Variants in PABPC4L observed in about 807,000 individuals in gnomAD.
PABPC4L encodes the protein polyadenylate-binding protein 4-like.
For missense variants in PABPC4L, 452 were observed against 451.4 expected, an observed-to-expected ratio of 1.00 and a Z score of -0.01; for synonymous variants, 169 against 164.1, an observed-to-expected ratio of 1.03 and a Z score of -0.23.
chr4:134,141,149 A>T, the PABPC4L span, among the ~76,000 whole-genome samples: 1 of 151,712 alleles, frequency 6.6e-6, no homozygotes, highest in African/African-American at 2.4e-5. Context: ...TTAGAATGAT[A>T]TGCTTTTCCT....
the PABPC4L span, among the ~76,000 whole-genome samples, chr4:134,097,325 C>G: frequency 6.6e-6 from 1 of 151,782 alleles, no homozygotes; most frequent in East Asian, 1.9e-4. Flanking sequence ...AACAGCTGAA[C>G]ATCAGACTTG....
the PABPC4L span, among the ~76,000 whole-genome samples, chr4:134,072,210 C>G: frequency 1.3e-5 from 2 of 152,208 alleles, no homozygotes; most frequent in East Asian, 3.9e-4. Context: ...TCCCATAATA[C>G]CACAGTGTTA....
At chr4:134,070,312 C>T in the PABPC4L span, among the ~76,000 whole-genome samples, 4 of 152,010 alleles carry the variant, frequency 2.6e-5, no homozygotes, top group South Asian at 6.2e-4. Context: ...CCAGCAGCAG[C>T]GGCAGTGTGG....
chr4:134,127,264 C>G, the PABPC4L span, among the ~76,000 whole-genome samples: 2 of 152,036 alleles, frequency 1.3e-5, no homozygotes, highest in African/African-American at 4.8e-5. Context: ...CCACCTGACC[C>G]TAGGGCAAGC....
downstream of PABPC4L, among the ~76,000 whole-genome samples, chr4:134,195,126 C>T (rs1205976625): frequency 6.6e-6 from 1 of 151,692 alleles, no homozygotes; most frequent in Non-Finnish European, 1.5e-5. Context: ...GCTTCTAATG[C>T]TTCCTATGGT....
At chr4:134,010,409 T>A in the PABPC4L span, among the ~76,000 whole-genome samples, 1 of 152,138 alleles carries the variant, frequency 6.6e-6, no homozygotes, top group Non-Finnish European at 1.5e-5. Flanking sequence ...TTGAACATTC[T>A]GACGTAACCA....
chr4:134,040,205 GA>G, the PABPC4L span, among the ~76,000 whole-genome samples: 33,742 of 113,282 alleles, frequency 0.3, 4,085 homozygotes, highest in Middle Eastern at 0.35. Context: ...CACAGAATTG[GA>G]AAAAAAAAAA....
the PABPC4L span, among the ~76,000 whole-genome samples, chr4:134,061,404 T>C: frequency 2.0e-5 from 3 of 151,922 alleles, no homozygotes; most frequent in Non-Finnish European, 2.9e-5. Context: ...CTCCAAGATA[T>C]ATCATACACC....
chr4:133,978,562 TG>T, the PABPC4L span, among the ~76,000 whole-genome samples: 1 of 151,970 alleles, frequency 6.6e-6, no homozygotes, highest in African/African-American at 2.4e-5. Context: ...GCTGTGTGTG[TG>T]TGTGTGTGTG....
At chr4:134,113,010 CAA>C in the PABPC4L span, among the ~76,000 whole-genome samples, 1 of 150,412 alleles carries the variant, frequency 6.6e-6, no homozygotes, top group Non-Finnish European at 1.5e-5. Flanking sequence ...TAGTTTTTAA[CAA>C]AAAAGTTTAA....
At chr4:134,127,755 C>G in the PABPC4L span, among the ~76,000 whole-genome samples, 10 of 152,122 alleles carry the variant, frequency 6.6e-5, no homozygotes, top group East Asian at 1.9e-3. Flanking sequence ...TTTAATACCC[C>G]CAAAAGATCA....
At chr4:134,083,865 G>C in the PABPC4L span, among the ~76,000 whole-genome samples, 1 of 151,828 alleles carries the variant, frequency 6.6e-6, no homozygotes, top group African/African-American at 2.4e-5. Flanking sequence ...ACAGGTATAT[G>C]TGATACATTA....
chr4:133,950,951 G>T, the PABPC4L span, among the ~76,000 whole-genome samples: 6 of 152,152 alleles, frequency 3.9e-5, no homozygotes, highest in Non-Finnish European at 7.3e-5. Flanking sequence ...CACTCCATGG[G>T]CATATTTGGG....
Position 134,200,346 on chromosome 4 carries a change from G to A in PABPC4L, c.674C>T (p.Ser225Phe). The change falls in exon 2 of 2, where the codon TCC (serine) becomes TTC (phenylalanine). Residue 225 changes from serine to phenylalanine, a missense_variant. Ser to Phe is a radical substitution (Grantham distance 155). Transcript: ENST00000421491. ...GCCAAAGCCTTTGGATTTCCCACTG[G>A]AATCTGTCATCACCTTAACACTCAG... Reference protein sequence around the residue: ...KTLSVKVMTDSSGKSKGFGFV... With the variant: ...KTLSVKVMTDFSGKSKGFGFV... The A allele has an allele frequency of 6.3e-7, 1 of 1,594,778 alleles. No individual in the cohort carries two copies. The highest frequency in any genetic ancestry group is 8.6e-7 in the Non-Finnish European group (1 of 1,169,388).
At chr4:133,955,628 C>G in the PABPC4L span, among the ~76,000 whole-genome samples, 1 of 152,012 alleles carries the variant, frequency 6.6e-6, no homozygotes, top group Admixed American at 6.6e-5. Flanking sequence ...AGAAAAATTA[C>G]ATTTTGTAAA....
At chr4:134,100,067 C>T in the PABPC4L span, among the ~76,000 whole-genome samples, 31,737 of 151,586 alleles carry the variant, frequency 0.21, 4,121 homozygotes, top group Non-Finnish European at 0.27. Context: ...GATGCCGCAT[C>T]AGCAGCGGCA....
the PABPC4L span, among the ~76,000 whole-genome samples, chr4:133,973,063 C>A: frequency 6.6e-6 from 1 of 152,174 alleles, no homozygotes; most frequent in Middle Eastern, 3.4e-3. Context: ...AATATAATTT[C>A]CCTACATGTA....
At chr4:134,035,340 C>G in the PABPC4L span, among the ~76,000 whole-genome samples, 1 of 151,958 alleles carries the variant, frequency 6.6e-6, no homozygotes, top group Admixed American at 6.6e-5. Flanking sequence ...CCTGTAATGT[C>G]TCTGAGATAT....
At chr4:134,077,255 T>A in the PABPC4L span, among the ~76,000 whole-genome samples, 1 of 152,172 alleles carries the variant, frequency 6.6e-6, no homozygotes, top group South Asian at 2.1e-4. Context: ...TGTTGAACAT[T>A]GCTTTCTTTA....
Sources: allele counts gnomAD v4.1 joint callset (sites outside exome capture counted in the v4.1 genomes callset), GRCh38; gene constraint gnomAD v4.1.1; transcripts MANE v1.5; gene names NCBI Gene and HGNC (gene_info 2026-07-23, HGNC 2026-07-21).